CYP2J2: variants seen among roughly 807,000 people sequenced by gnomAD.
CYP2J2 encodes cytochrome P450 2J2.
CYP2J2 carries 41 observed loss-of-function variants against 48.8 expected under a neutral mutation model. The ratio of observed to expected loss-of-function variants is 0.84; its 90% CI spans 0.66 to 1.09. CYP2J2 has a LOEUF of 1.09. Among genes scored for constraint, CYP2J2 ranks in the 50% least tolerant of loss-of-function variants. The pLI, the probability that CYP2J2 is intolerant of heterozygous loss-of-function variation, is 0.00. For synonymous variants in CYP2J2, 221 were observed against 227.1 expected, an observed-to-expected ratio of 0.97 and a Z score of 0.24; for missense variants, 644 against 617.3, an observed-to-expected ratio of 1.04 and a Z score of -0.46.
At chr1:59,894,864 T>C (rs567188784) in intron 8 of CYP2J2, among the ~76,000 whole-genome samples, 4 of 152,318 alleles carry the variant, frequency 2.6e-5, no homozygotes, top group South Asian at 2.1e-4. Flanking sequence ...AGAAAATCTT[T>C]TGGGTGGTAG....
At chr1:59,895,393 G>T (rs1295661826) in intron 8 of CYP2J2, among the ~76,000 whole-genome samples, 1 of 152,120 alleles carries the variant, frequency 6.6e-6, no homozygotes, top group Non-Finnish European at 1.5e-5. Flanking sequence ...TTCCATTTTG[G>T]GTAGGAATAT....
chr1:59,943,822 A>G, the CYP2J2 span, among the ~76,000 whole-genome samples: 1 of 152,320 alleles, frequency 6.6e-6, no homozygotes, highest in South Asian at 2.1e-4. Context: ...ATAAGAACAG[A>G]GAAGTGGTAC....
chr1:59,966,706 A>G, the CYP2J2 span, among the ~76,000 whole-genome samples: 1 of 152,210 alleles, frequency 6.6e-6, no homozygotes, highest in African/African-American at 2.4e-5. Flanking sequence ...CTTTAGTAGC[A>G]ACACCTTTGC....
upstream of CYP2J2, among the ~76,000 whole-genome samples, chr1:59,927,703 G>A (rs1296024705): frequency 3.3e-5 from 5 of 152,266 alleles, no homozygotes; most frequent in East Asian, 9.6e-4. Context: ...CTCCCATGTA[G>A]CTGGGACTAC....
intron 8 of CYP2J2, 26 bp downstream of exon 8, chr1:59,900,939 C>T (rs754320888): frequency 6.2e-7 from 1 of 1,607,482 alleles, no homozygotes; most frequent in Admixed American, 1.7e-5. Context: ...CCCTGGACTC[C>T]CACACACCTG....
At chr1:59,919,867 A>G (rs1190320972) in intron 1 of CYP2J2, among the ~76,000 whole-genome samples, 1 of 152,178 alleles carries the variant, frequency 6.6e-6, no homozygotes, top group African/African-American at 2.4e-5. Flanking sequence ...TCAATTTAAC[A>G]GGCTTTTATG....
chr1:59,913,918 AG>A (rs991702721), intron 2 of CYP2J2, among the ~76,000 whole-genome samples: 2 of 152,198 alleles, frequency 1.3e-5, no homozygotes, highest in African/African-American at 4.8e-5. Context: ...AACTATTCCT[AG>A]CCAAGCTCAG....
At chr1:59,956,124 G>A in the CYP2J2 span, among the ~76,000 whole-genome samples, 1 of 151,970 alleles carries the variant, frequency 6.6e-6, no homozygotes, top group African/African-American at 2.4e-5. Context: ...AAAGAGAGGA[G>A]GCACTCAAAT....
chr1:59,941,781 CAT>C, the CYP2J2 span, among the ~76,000 whole-genome samples: 1 of 130,722 alleles, frequency 7.6e-6, no homozygotes, highest in Middle Eastern at 3.6e-3. Flanking sequence ...AATAGAAAAA[CAT>C]GTATAATGAC....
In CYP2J2 at chr1:59,911,761, A is replaced by T. The variant is rs1262173491; in HGVS notation, c.531T>A (p.Pro177=). The stretch of plus-strand genomic sequence containing the variant: ...TGTTGATCTTGAAATGAGGGTCAAA[A>T]GGCTGTCCTGAAGGTGGAGGAAGGG... ...TEAIKEENGQ[P]FDPHFKINNA... is the part of the protein sequence containing the mutation. The change falls in exon 4 of 9, where the codon CCT becomes CCA. Residue 177 remains proline, a synonymous_variant. Coordinates refer to ENST00000371204, the MANE Select transcript of CYP2J2 (RefSeq NM_000775.4). The T allele has an allele frequency of 6.2e-7, 1 of 1,612,644 alleles. No homozygotes were observed.
chr1:59,953,080 T>C, the CYP2J2 span, among the ~76,000 whole-genome samples: 36,653 of 152,022 alleles, frequency 0.24, 5,885 homozygotes, highest in African/African-American at 0.47. Context: ...TCTGGCCTGC[T>C]TAGTAGCTCT....
chr1:59,919,134 AGTGT>A (rs1331022684), intron 1 of CYP2J2, among the ~76,000 whole-genome samples: 5 of 152,136 alleles, frequency 3.3e-5, no homozygotes, highest in Admixed American at 6.5e-5. Context: ...TGCCTCTGTG[AGTGT>A]GTGTGACAGC....
intron 6 of CYP2J2, 35 bp downstream of exon 6, chr1:59,907,750 CT>C: frequency 6.2e-7 from 1 of 1,612,074 alleles, no homozygotes; most frequent in Non-Finnish European, 8.5e-7. Flanking sequence ...AGGCACTATT[CT>C]GTCCTGGTTC....
At chr1:59,956,890 CT>C in the CYP2J2 span, among the ~76,000 whole-genome samples, 1 of 152,094 alleles carries the variant, frequency 6.6e-6, no homozygotes, top group Non-Finnish European at 1.5e-5. Context: ...ACACATGTAG[CT>C]TCTGCTTATC....
upstream of CYP2J2, among the ~76,000 whole-genome samples, chr1:59,927,740 T>G (rs1212434188): frequency 6.6e-6 from 1 of 152,104 alleles, no homozygotes; most frequent in Non-Finnish European, 1.5e-5. Flanking sequence ...GCCCGGCTAA[T>G]TTTTGTATTT....
chr1:59,931,153 A>C (rs1207383147), upstream of CYP2J2, among the ~76,000 whole-genome samples: 1 of 152,206 alleles, frequency 6.6e-6, no homozygotes, highest in Non-Finnish European at 1.5e-5. Context: ...AATCCGGGTA[A>C]ATGCAAACAA....
At chr1:59,962,772 C>T in the CYP2J2 span, among the ~76,000 whole-genome samples, 1 of 152,150 alleles carries the variant, frequency 6.6e-6, no homozygotes, top group African/African-American at 2.4e-5. Flanking sequence ...AGATTAACAT[C>T]CACCAGAACA....
At chr1:59,968,893 C>T in the CYP2J2 span, among the ~76,000 whole-genome samples, 1 of 152,194 alleles carries the variant, frequency 6.6e-6, no homozygotes. Flanking sequence ...TAAGGTGGCG[C>T]ACCTGGAGTT....
the CYP2J2 span, among the ~76,000 whole-genome samples, chr1:59,952,039 A>G: frequency 1.3e-5 from 2 of 152,162 alleles, no homozygotes; most frequent in Non-Finnish European, 2.9e-5. Context: ...TTCACTAAAT[A>G]CTGTAAGGCT....
Sources: allele counts gnomAD v4.1 joint callset (sites outside exome capture counted in the v4.1 genomes callset), GRCh38; gene constraint gnomAD v4.1.1; transcripts MANE v1.5; gene names NCBI Gene and HGNC (gene_info 2026-07-23, HGNC 2026-07-21).